The following PARVB variants were observed in gnomAD, a reference collection of about 807,000 sequenced individuals.
The protein encoded by PARVB is beta-parvin.
PARVB carries 46 observed loss-of-function variants against 47.0 expected under a neutral mutation model. The ratio of observed to expected loss-of-function variants is 0.98; its 90% confidence interval spans 0.77 to 1.25. The LOEUF is 1.25. Ranked by LOEUF, PARVB falls within the 50% of genes most tolerant of loss-of-function variation. PARVB has a pLI of 0.00. For missense variants in PARVB, 473 were observed against 471.6 expected, an observed-to-expected ratio of 1.00 and a Z score of -0.03; for synonymous variants, 196 against 196.3, an observed-to-expected ratio of 1.00 and a Z score of 0.01.
chr22:44,040,881 T>G (rs2051007057), intron 1 of PARVB, among the ~76,000 whole-genome samples: 1 of 151,928 alleles, frequency 6.6e-6, no homozygotes, highest in African/African-American at 2.4e-5. Context: ...CAGGCGCCTG[T>G]AGTCCCAGCT....
At chr22:44,124,560 T>C (rs2053145118) in intron 4 of PARVB, among the ~76,000 whole-genome samples, 1 of 146,100 alleles carries the variant, frequency 6.8e-6, no homozygotes, top group Non-Finnish European at 1.5e-5. Context: ...GGGGCTGTCC[T>C]GGAGGGTCAG....
At chr22:44,088,174 G>T (rs1201599976) in intron 1 of PARVB, among the ~76,000 whole-genome samples, 1 of 152,142 alleles carries the variant, frequency 6.6e-6, no homozygotes, top group African/African-American at 2.4e-5. Context: ...CTGTTGTGCT[G>T]CTCCTTGAAT....
intron 11 of PARVB, among the ~76,000 whole-genome samples, chr22:44,162,540 C>G (rs536198055): frequency 2.6e-5 from 4 of 152,146 alleles, no homozygotes; most frequent in African/African-American, 4.8e-5. Context: ...AGGCTGGTCT[C>G]GAATGCCTGA....
At chr22:44,083,134 G>A (rs1453248674) in intron 1 of PARVB, among the ~76,000 whole-genome samples, 2 of 152,124 alleles carry the variant, frequency 1.3e-5, no homozygotes, top group African/African-American at 4.8e-5. Context: ...TGTGAAACAC[G>A]ACTGCCAGGC....
At chr22:44,102,559 T>C (rs1385770331) in intron 3 of PARVB, among the ~76,000 whole-genome samples, 1 of 152,092 alleles carries the variant, frequency 6.6e-6, no homozygotes, top group Admixed American at 6.5e-5. Context: ...GTGAAGGGGC[T>C]GGGCGCCATG....
intron 1 of PARVB, among the ~76,000 whole-genome samples, chr22:44,090,590 G>C (rs529411679): frequency 2.0e-5 from 3 of 152,346 alleles, no homozygotes; most frequent in Admixed American, 6.5e-5. Context: ...TCGAAGCGTT[G>C]ACCACTTGCC....
chr22:44,025,239 C>T (rs1224476662), intron 1 of PARVB, among the ~76,000 whole-genome samples: 3 of 151,982 alleles, frequency 2.0e-5, no homozygotes, highest in African/African-American at 7.3e-5. Context: ...GGTGGGTCCC[C>T]GGGAAGGAGC....
At chr22:44,123,764 C>T (rs967490022) in intron 4 of PARVB, among the ~76,000 whole-genome samples, 4 of 151,992 alleles carry the variant, frequency 2.6e-5, no homozygotes, top group Non-Finnish European at 5.9e-5. Flanking sequence ...CTCCTGGGCT[C>T]AAACAATCCA....
At position 44,044,266 on chromosome 22, in the gene PARVB, C is replaced by T. The variant is rs534458598; in HGVS notation, c.112+19815C>T. Among the ~76,000 whole-genome samples, 4 of 151,074 alleles carry T rather than the reference C, an allele frequency of 2.6e-5. No homozygotes were observed. The South Asian group carries it at 8.4e-4, about 32-fold the overall frequency. ...AGTGCAATGGCCCGATCTCGGCTCACTGTAAGCTCTGCCTCCTGGGTTCAC... is the reference window on the plus strand; with the variant it reads ...AGTGCAATGGCCCGATCTCGGCTCATTGTAAGCTCTGCCTCCTGGGTTCAC... On this transcript the variant is annotated intron_variant, in intron 1 of 12. Transcript: ENST00000338758.
chr22:44,134,646 C>T (rs1025539609), intron 6 of PARVB, among the ~76,000 whole-genome samples: 7 of 152,146 alleles, frequency 4.6e-5, no homozygotes, highest in African/African-American at 1.7e-4. Context: ...ACCTTAGAGC[C>T]GCCTTCTGTC....
chr22:44,170,540 C>G lies in PARVB; in HGVS notation c.*1862C>G, dbSNP rs1031068335. On this transcript the variant is annotated 3_prime_UTR_variant, in exon 13 of 13. Transcript: ENST00000338758. ...CTGAGAGCATCTCCCTTAGAGTATC[C>G]TATAAAAGGAGTCGCTGCTCACTCA... is the stretch of plus-strand genomic sequence containing the variant. 2 of 152,180 alleles carry G rather than the reference C, an allele frequency of 1.3e-5. No homozygotes were observed. The highest frequency in any genetic ancestry group is 2.9e-5 in the Non-Finnish European group (2 of 68,030). 9.4% of individuals were successfully genotyped at this position (152,180 alleles called of 1,614,324 possible). A position where few individuals can be genotyped will look rare whatever the true frequency, so the allele number is the denominator to read the frequency against.
chr22:44,020,781 CCTTT>C (rs1353883073), upstream of PARVB, among the ~76,000 whole-genome samples: 31 of 151,830 alleles, frequency 2.0e-4, no homozygotes, highest in East Asian at 1.9e-4. Flanking sequence ...CCAACTCTGT[CCTTT>C]CTTTTTTTTT....
At chr22:44,150,260 A>T (rs1328220528) in intron 9 of PARVB, 1 of 152,290 alleles carries the variant, frequency 6.6e-6, no homozygotes, top group Non-Finnish European at 1.5e-5. Context: ...GGCTTTGGTC[A>T]CTGAGGAATT....
intron 1 of PARVB, among the ~76,000 whole-genome samples, chr22:44,065,201 C>T (rs940855177): frequency 6.6e-6 from 1 of 152,030 alleles, no homozygotes; most frequent in Admixed American, 6.6e-5. Flanking sequence ...CTTCGTCTTC[C>T]CCAGATGAAT....
upstream of PARVB, among the ~76,000 whole-genome samples, chr22:44,024,110 G>C (rs920220156): frequency 6.6e-6 from 1 of 152,102 alleles, no homozygotes; most frequent in Non-Finnish European, 1.5e-5. Context: ...GCCGCTCCCG[G>C]GGTGGCCCCA....
chr22:44,159,072 A>AGC (rs2053996876), intron 11 of PARVB, among the ~76,000 whole-genome samples: 1 of 151,848 alleles, frequency 6.6e-6, no homozygotes, highest in Non-Finnish European at 1.5e-5. Flanking sequence ...CGAGAGAGAG[A>AGC]GAGCGAGCGA....
At chr22:44,115,702 A>G (rs1389356609) in intron 3 of PARVB, 1 of 73,826 alleles carries the variant, frequency 1.4e-5, no homozygotes, top group Non-Finnish European at 2.5e-5. Flanking sequence ...ACACAGATAC[A>G]TTGTTACTAA....
At chr22:44,119,842 G>A (rs1301218458) in intron 4 of PARVB, 2 of 532,180 alleles carry the variant, frequency 3.8e-6, no homozygotes, top group Admixed American at 3.9e-5. Context: ...CAGGTTCTGA[G>A]TAGAGGACGC....
chr22:44,016,011 T>A (rs1035469757), intron 2 of PARVB, among the ~76,000 whole-genome samples: 4 of 152,056 alleles, frequency 2.6e-5, no homozygotes, highest in Non-Finnish European at 5.9e-5. Context: ...CCCCTGACAT[T>A]TCACCATGGA....
Sources: allele counts gnomAD v4.1 joint callset (sites outside exome capture counted in the v4.1 genomes callset), GRCh38; gene constraint gnomAD v4.1.1; transcripts MANE v1.5; gene names NCBI Gene and HGNC (gene_info 2026-07-23, HGNC 2026-07-21).